PTCHD4: variants seen among roughly 807,000 people sequenced by gnomAD.
PTCHD4 encodes patched domain containing 4, also known as patched domain-containing protein 4.
PTCHD4 carries 33 observed loss-of-function variants against 58.1 expected under a neutral mutation model. The ratio of observed to expected loss-of-function variants is 0.57; its 90% CI spans 0.43 to 0.76. The LOEUF (loss-of-function observed/expected upper bound fraction) is 0.76, where lower values mean the gene tolerates loss of function less well. Ranked by LOEUF, PTCHD4 falls within the 30% of genes least tolerant of loss-of-function variation. The pLI, the probability that PTCHD4 is intolerant of heterozygous loss-of-function variation, is 0.00. For missense variants in PTCHD4, 1,058 were observed against 1,027.1 expected (o/e 1.03, Z -0.41); for synonymous variants, 478 against 409.6 (o/e 1.17, Z -2.02).
intron 4 of PTCHD4, among the ~76,000 whole-genome samples, chr6:48,002,619 G>C (rs1000463950): frequency 6.9e-6 from 1 of 145,668 alleles, no homozygotes; most frequent in Non-Finnish European, 1.5e-5. Context: ...TGGGGTGGGG[G>C]TAGGGGGGAG....
chr6:47,978,099 A>G (rs1279833951), intron 4 of PTCHD4, among the ~76,000 whole-genome samples: 2 of 151,686 alleles, frequency 1.3e-5, no homozygotes, highest in South Asian at 2.1e-4. Flanking sequence ...CCTCTCCCTC[A>G]TCCTTTCCCC....
At chr6:47,884,714 G>A (rs1434192460) in intron 4 of PTCHD4, among the ~76,000 whole-genome samples, 4 of 152,170 alleles carry the variant, frequency 2.6e-5, no homozygotes, top group Non-Finnish European at 4.4e-5. Context: ...TTCTGGACTT[G>A]TTTTACATGC....
At chr6:48,041,346 C>T (rs1763841444) in intron 3 of PTCHD4, among the ~76,000 whole-genome samples, 1 of 152,042 alleles carries the variant, frequency 6.6e-6, no homozygotes, top group African/African-American at 2.4e-5. Context: ...CAACTTCAAA[C>T]ACTCAGAAAT....
At chr6:47,949,403 G>A (rs1561973007) in intron 4 of PTCHD4, among the ~76,000 whole-genome samples, 1 of 152,276 alleles carries the variant, frequency 6.6e-6, no homozygotes, top group East Asian at 1.9e-4. Flanking sequence ...ATTAGTGTCT[G>A]CAGTATATCT....
intron 4 of PTCHD4, among the ~76,000 whole-genome samples, chr6:47,918,777 A>G (rs1435755348): frequency 6.6e-6 from 1 of 152,174 alleles, no homozygotes; most frequent in Non-Finnish European, 1.5e-5. Context: ...TCCTGGTACA[A>G]TGTTAAAATG....
chr6:47,881,606 G>A (rs1464626627), intron 4 of PTCHD4, among the ~76,000 whole-genome samples: 1 of 152,124 alleles, frequency 6.6e-6, no homozygotes, highest in East Asian at 1.9e-4. Context: ...AACCAACAAT[G>A]TTTCCTAGGT....
chr6:47,994,761 C>T (rs1229807974), intron 4 of PTCHD4, among the ~76,000 whole-genome samples: 2 of 152,134 alleles, frequency 1.3e-5, no homozygotes, highest in African/African-American at 4.8e-5. Context: ...GGCTGAAATG[C>T]TACGGAAACA....
chr6:47,962,430 T>G (rs1448029723), intron 4 of PTCHD4, among the ~76,000 whole-genome samples: 3 of 152,134 alleles, frequency 2.0e-5, no homozygotes, highest in Non-Finnish European at 2.9e-5. Context: ...AATCTCATCT[T>G]GAATTGTAAT....
rs769440419 is a variant in PTCHD4 at position 48,068,467 on chromosome 6, G to A, written c.180C>T (p.Arg60=). Residue 60 remains arginine (R), a synonymous_variant, in exon 3 of 5, where the codon CGC becomes CGT. Transcript: ENST00000339488. The surrounding 1 kb of genome is among the most constrained non-coding windows in gnomAD (Gnocchi z 4.2). ...GCTCCAGGTCGCCCTCGGGCTGGAA[G>A]CGGTTGAGCGCGCTGAGGCCGAAGG... ...TITFGLSALN[R]FQPEGDLERL... is the part of the protein sequence containing the mutation. 1.2e-6 allele frequency: 2 copies of A among 1,613,710 alleles called. No homozygotes were observed. Among genetic ancestry groups the A allele is most frequent in the South Asian group, 1.1e-5 (1 of 91,082 alleles).
chr6:47,892,355 T>C (rs992411623), intron 4 of PTCHD4, among the ~76,000 whole-genome samples: 7 of 152,198 alleles, frequency 4.6e-5, no homozygotes, highest in Non-Finnish European at 1.0e-4. Context: ...TTATCATTTG[T>C]TGAGGGATCA....
intron 4 of PTCHD4, among the ~76,000 whole-genome samples, chr6:47,961,221 T>C (rs1436973596): frequency 6.6e-6 from 1 of 152,076 alleles, no homozygotes; most frequent in Non-Finnish European, 1.5e-5. Context: ...AACTATATAA[T>C]GTACTTTTAA....
intron 4 of PTCHD4, among the ~76,000 whole-genome samples, chr6:47,922,441 C>G (rs1475439922): frequency 1.3e-5 from 2 of 152,240 alleles, no homozygotes; most frequent in African/African-American, 2.4e-5. Context: ...ACCAGCCCCC[C>G]TGCCGGCCCA....
At chr6:47,999,222 A>T (rs1005725654) in intron 4 of PTCHD4, among the ~76,000 whole-genome samples, 1 of 152,206 alleles carries the variant, frequency 6.6e-6, no homozygotes, top group Non-Finnish European at 1.5e-5. Context: ...GGGACAAGAC[A>T]TCTAGCAGGT....
chr6:47,981,066 CAGG>C (rs754798279), intron 4 of PTCHD4, among the ~76,000 whole-genome samples: 1 of 152,080 alleles, frequency 6.6e-6, no homozygotes, highest in Non-Finnish European at 1.5e-5. Context: ...TTACTGCAAG[CAGG>C]AGATCACCTG....
intron 4 of PTCHD4, among the ~76,000 whole-genome samples, chr6:47,988,684 C>T (rs1391910931): frequency 6.6e-6 from 1 of 152,200 alleles, no homozygotes; most frequent in African/African-American, 2.4e-5. Flanking sequence ...TTGCATCCTC[C>T]TCATTTGCTC....
intron 4 of PTCHD4, among the ~76,000 whole-genome samples, chr6:47,969,937 C>T (rs983726703): frequency 6.6e-6 from 1 of 151,944 alleles, no homozygotes; most frequent in African/African-American, 2.4e-5. Flanking sequence ...TCAAATATAA[C>T]CAAAGTAAAT....
chr6:48,085,466 T>A (rs768484413), intron 1 of PTCHD4, among the ~76,000 whole-genome samples: 59 of 152,188 alleles, frequency 3.9e-4, no homozygotes, highest in Non-Finnish European at 5.7e-4. Context: ...AACAACTGAC[T>A]AGAATTGATA....
intron 4 of PTCHD4, among the ~76,000 whole-genome samples, chr6:48,003,728 A>G (rs1429513478): frequency 6.6e-6 from 1 of 152,206 alleles, no homozygotes; most frequent in Non-Finnish European, 1.5e-5. Flanking sequence ...GTTAATTCTC[A>G]GTGTCCTATA....
At chr6:47,964,292 G>A (rs1196171856) in intron 4 of PTCHD4, among the ~76,000 whole-genome samples, 1 of 152,048 alleles carries the variant, frequency 6.6e-6, no homozygotes. Context: ...TTTGTTAGGA[G>A]GATACAGCTC....
Sources: gnomAD v4.1 joint callset for allele counts (sites outside exome capture counted in the v4.1 genomes callset) on GRCh38, gnomAD v4.1.1 for gene constraint, Gnocchi (gnomAD v3.1) non-coding constraint, MANE v1.5 for transcripts, NCBI Gene and HGNC (gene_info 2026-07-23, HGNC 2026-07-21) for gene names.